LRRTM4: variants seen among roughly 807,000 people sequenced by gnomAD.
LRRTM4 encodes leucine rich repeat transmembrane neuronal 4.
LRRTM4 carries 25 observed loss-of-function variants against 47.6 expected under a neutral mutation model. The ratio of observed to expected loss-of-function variants is 0.53; its 90% CI spans 0.38 to 0.73. The LOEUF (loss-of-function observed/expected upper bound fraction) is 0.73, where lower values mean the gene tolerates loss of function less well. Ranked by LOEUF, LRRTM4 falls within the 30% of genes least tolerant of loss-of-function variation. LRRTM4 has a pLI of 0.00. For missense variants in LRRTM4, 638 were observed against 713.4 expected (o/e 0.89, Z 1.20); for synonymous variants, 311 against 269.5 (o/e 1.15, Z -1.51).
At chr2:77,046,597 A>G (rs77881125) in intron 3 of LRRTM4, among the ~76,000 whole-genome samples, 1 of 152,118 alleles carries the variant, frequency 6.6e-6, no homozygotes, top group East Asian at 1.9e-4. Context: ...TGTCTGACAC[A>G]TGCACCCTCA....
At chr2:76,901,954 G>A (rs1010842684) in intron 3 of LRRTM4, among the ~76,000 whole-genome samples, 16 of 152,114 alleles carry the variant, frequency 1.1e-4, no homozygotes, top group Non-Finnish European at 1.3e-4. Flanking sequence ...TGGGCTAAGT[G>A]TTCACAGGTC....
intron 3 of LRRTM4, among the ~76,000 whole-genome samples, chr2:77,374,059 G>A (rs1392786095): frequency 6.6e-6 from 1 of 151,694 alleles, no homozygotes; most frequent in African/African-American, 2.4e-5. Flanking sequence ...AAGCTAGAGG[G>A]CAAGCTTATA....
At chr2:77,504,067 A>C (rs971462906) in intron 3 of LRRTM4, among the ~76,000 whole-genome samples, 1 of 151,612 alleles carries the variant, frequency 6.6e-6, no homozygotes, top group Non-Finnish European at 1.5e-5. Flanking sequence ...GTAATAGAGG[A>C]GAATTTAAAG....
chr2:76,777,549 G>A (rs1182119751), intron 3 of LRRTM4, among the ~76,000 whole-genome samples: 11 of 139,072 alleles, frequency 7.9e-5, no homozygotes, highest in Non-Finnish European at 6.2e-5. Context: ...CTCATGATTT[G>A]GCTCTCTGTT....
intron 3 of LRRTM4, among the ~76,000 whole-genome samples, chr2:76,795,638 T>G (rs1675256178): frequency 6.6e-6 from 1 of 151,852 alleles, no homozygotes; most frequent in Non-Finnish European, 1.5e-5. Flanking sequence ...TGGACACAGG[T>G]TGACTCCATC....
intron 3 of LRRTM4, among the ~76,000 whole-genome samples, chr2:77,089,308 T>TTA (rs1359005389): frequency 6.7e-6 from 1 of 150,112 alleles, no homozygotes; most frequent in Non-Finnish European, 1.5e-5. Flanking sequence ...TCCTTCACTC[T>TTA]TACCAAGTCC....
intron 3 of LRRTM4, among the ~76,000 whole-genome samples, chr2:77,210,721 G>A (rs1020580156): frequency 1.3e-5 from 2 of 152,106 alleles, no homozygotes. Flanking sequence ...TGATGTGTTT[G>A]AAGTTACCAA....
At chr2:77,383,209 G>T (rs573385532) in intron 3 of LRRTM4, among the ~76,000 whole-genome samples, 43 of 151,960 alleles carry the variant, frequency 2.8e-4, no homozygotes, top group Non-Finnish European at 4.7e-4. Context: ...TTATGCTTAG[G>T]ATAATTCATC....
chr2:77,360,139 T>C (rs1672126907), intron 3 of LRRTM4, among the ~76,000 whole-genome samples: 1 of 152,218 alleles, frequency 6.6e-6, no homozygotes, highest in African/African-American at 2.4e-5. Context: ...TCAGCTGATA[T>C]GAGTTGAATG....
At chr2:77,422,868 G>A (rs2033950) in intron 3 of LRRTM4, among the ~76,000 whole-genome samples, 52,213 of 151,736 alleles carry the variant, frequency 0.34, 9,065 homozygotes, top group Non-Finnish European at 0.37. Flanking sequence ...TTTATTGTAT[G>A]TTTTCAAAAT....
At chr2:76,905,651 A>G (rs1169730754) in intron 3 of LRRTM4, among the ~76,000 whole-genome samples, 1 of 44,664 alleles carries the variant, frequency 2.2e-5, no homozygotes, top group Non-Finnish European at 3.8e-5. Context: ...GAAGTGCTTA[A>G]AGGAGCTGAC....
At chr2:77,027,607 G>A (rs544396980) in intron 3 of LRRTM4, among the ~76,000 whole-genome samples, 2 of 152,226 alleles carry the variant, frequency 1.3e-5, no homozygotes, top group South Asian at 2.1e-4. Flanking sequence ...TGTACTATCA[G>A]CTCTAAATGC....
At chr2:77,178,107 G>A (rs1485981155) in intron 3 of LRRTM4, among the ~76,000 whole-genome samples, 1 of 152,002 alleles carries the variant, frequency 6.6e-6, no homozygotes, top group Non-Finnish European at 1.5e-5. Context: ...ATTAACTGCT[G>A]TATCTTTAGA....
At chr2:77,433,188 C>A (rs895949116) in intron 3 of LRRTM4, among the ~76,000 whole-genome samples, 1 of 152,128 alleles carries the variant, frequency 6.6e-6, no homozygotes, top group Non-Finnish European at 1.5e-5. Context: ...CCCAAGCCTT[C>A]GTACTGTACC....
intron 3 of LRRTM4, among the ~76,000 whole-genome samples, chr2:77,120,285 G>A (rs941663556): frequency 1.3e-5 from 2 of 151,740 alleles, no homozygotes; most frequent in Non-Finnish European, 3.0e-5. Context: ...TATCATCCAC[G>A]TGATTCTTCA....
At chr2:77,428,705 G>A (rs1202816268) in intron 3 of LRRTM4, among the ~76,000 whole-genome samples, 4 of 152,162 alleles carry the variant, frequency 2.6e-5, no homozygotes, top group African/African-American at 9.7e-5. Context: ...ACACAGATAA[G>A]GCCATTCATT....
chr2:76,908,620 A>C (rs1435513600), intron 3 of LRRTM4, among the ~76,000 whole-genome samples: 3 of 152,180 alleles, frequency 2.0e-5, no homozygotes, highest in South Asian at 2.1e-4. Flanking sequence ...AAATCTCCTT[A>C]AGCTGATAAG....
At chr2:77,339,656 C>T (rs1671296917) in intron 3 of LRRTM4, among the ~76,000 whole-genome samples, 1 of 151,982 alleles carries the variant, frequency 6.6e-6, no homozygotes, top group African/African-American at 2.4e-5. Context: ...CCTTAAATCC[C>T]CCGACTGTAT....
chr2:76,839,079 T>C (rs558788993), intron 3 of LRRTM4, among the ~76,000 whole-genome samples: 1 of 152,248 alleles, frequency 6.6e-6, no homozygotes, highest in Non-Finnish European at 1.5e-5. Flanking sequence ...TGCACTGAAA[T>C]GTTTTTGTAG....
Sources: gnomAD v4.1 joint callset for allele counts (sites outside exome capture counted in the v4.1 genomes callset) on GRCh38, gnomAD v4.1.1 for gene constraint, MANE v1.5 for transcripts, NCBI Gene and HGNC (gene_info 2026-07-23, HGNC 2026-07-21) for gene names.